DHTKD1: variants seen among roughly 807,000 people sequenced by gnomAD.
The protein encoded by DHTKD1 is dehydrogenase E1 and transketolase domain containing 1.
DHTKD1 carries 78 observed loss-of-function variants against 101.8 expected under a neutral mutation model. The ratio of observed to expected loss-of-function variants is 0.77; its 90% confidence interval spans 0.64 to 0.93. The LOEUF is 0.93. Among genes scored for constraint, DHTKD1 ranks in the 40% least tolerant of loss-of-function variants. The pLI is 0.00. For synonymous variants in DHTKD1, 462 were observed against 450.3 expected (o/e 1.03, Z -0.33); for missense variants, 1,223 against 1,161.7 (o/e 1.05, Z -0.77).
chr10:12,086,735 G>T (rs1832908183), intron 3 of DHTKD1, among the ~76,000 whole-genome samples: 1 of 152,148 alleles, frequency 6.6e-6, no homozygotes, highest in African/African-American at 2.4e-5. Flanking sequence ...CTGTCACCCA[G>T]GTTGGAGTGC....
chr10:12,101,764 T>C (rs1276835948), intron 10 of DHTKD1, among the ~76,000 whole-genome samples: 2 of 152,078 alleles, frequency 1.3e-5, no homozygotes, highest in African/African-American at 4.8e-5. Flanking sequence ...GTGCCATTCC[T>C]GGCTAATTTT....
chr10:12,103,527 GTA>G lies in DHTKD1; in HGVS notation c.1896+2348_1896+2349del, dbSNP rs1554793225. Among the ~76,000 whole-genome samples, 3 of 145,180 alleles carry G rather than the reference GTA, an allele frequency of 2.1e-5. No homozygotes were observed. Among genetic ancestry groups the G allele is most frequent in the African/African-American group, 7.7e-5 (3 of 39,080 alleles). On this transcript the variant is annotated intron_variant, in intron 10 of 16. Transcript: ENST00000263035. This position sits in a 1 kb window ranked among gnomAD's most constrained non-coding sequence, Gnocchi z 4.8. ...TGTGTGTGTGTGTGTGTGTGTGTGT[GTA>G]TGTATGTGACAGGTCCTCCTCTGTT...
chr10:12,073,681 G>A (rs1173638189), intron 1 of DHTKD1, among the ~76,000 whole-genome samples: 2 of 152,154 alleles, frequency 1.3e-5, no homozygotes, highest in Non-Finnish European at 2.9e-5. Context: ...ATCTGGAAAA[G>A]CTCAGTCTGG....
chr10:12,104,008 C>T (rs1485682734), intron 10 of DHTKD1, among the ~76,000 whole-genome samples: 1 of 152,138 alleles, frequency 6.6e-6, no homozygotes, highest in Admixed American at 6.6e-5. Flanking sequence ...CTGCCCATTC[C>T]TTCCTCCCTC....
At chr10:12,106,767 T>C (rs1413873108) in intron 11 of DHTKD1, among the ~76,000 whole-genome samples, 1 of 152,156 alleles carries the variant, frequency 6.6e-6, no homozygotes, top group Admixed American at 6.5e-5. Context: ...CTGAATCCCA[T>C]TTTCCAGGGA....
intron 9 of DHTKD1, among the ~76,000 whole-genome samples, chr10:12,100,799 A>G (rs1480680376): frequency 6.6e-6 from 1 of 152,310 alleles, no homozygotes; most frequent in African/African-American, 2.4e-5. Flanking sequence ...ACAAAGGGCT[A>G]GTGCTGGATG....
At chr10:12,088,767 T>C (rs1205683107) in intron 4 of DHTKD1, among the ~76,000 whole-genome samples, 1 of 152,038 alleles carries the variant, frequency 6.6e-6, no homozygotes, top group Non-Finnish European at 1.5e-5. Context: ...GTATTTTTAA[T>C]AGAGACGGGG....
chr10:12,100,287 G>GCTTTTTTTTTTTTTT lies in DHTKD1; in HGVS notation c.1756+25_1756+26insCTTTTTTTTTTTTTT, dbSNP rs774056019. On this transcript the variant is annotated intron_variant, in intron 9 of 16. Transcript: ENST00000263035. The stretch of plus-strand genomic sequence containing the variant: ...GGTAAGAATTTTCTTTTTTTTTTCT[G>GCTTTTTTTTTTTTTT]TTTTTTTTTTTTTTGAGTCTCACCC... 25 of 272,274 alleles carry GCTTTTTTTTTTTTTT rather than the reference G, an allele frequency of 9.2e-5. 3 individuals carry two copies. The highest frequency in any genetic ancestry group is 8.7e-4 in the African/African-American group (24 of 27,728). 16.9% of individuals were successfully genotyped at this position (272,274 alleles called of 1,614,324 possible). A position where few individuals can be genotyped will look rare whatever the true frequency, so the allele number is the denominator to read the frequency against.
chr10:12,111,967 T>A (rs1701471), intron 12 of DHTKD1, among the ~76,000 whole-genome samples: 133,882 of 152,044 alleles, frequency 0.88, 59,040 homozygotes, highest in East Asian at 0.98. Flanking sequence ...TTAACTAGGT[T>A]TATGGGTTGG....
At chr10:12,119,276 A>G (rs1833475542) in intron 15 of DHTKD1, among the ~76,000 whole-genome samples, 1 of 151,252 alleles carries the variant, frequency 6.6e-6, no homozygotes, top group African/African-American at 2.4e-5. Context: ...ACTGCACTCC[A>G]GCCTGGGCAC....
At chr10:12,091,233 A>G (rs1011100928) in intron 5 of DHTKD1, among the ~76,000 whole-genome samples, 1 of 151,648 alleles carries the variant, frequency 6.6e-6, no homozygotes, top group Non-Finnish European at 1.5e-5. Flanking sequence ...CAACATGGTG[A>G]AACCCCGCCT....
At chr10:12,097,137 T>C (rs910332621) in intron 7 of DHTKD1, among the ~76,000 whole-genome samples, 6 of 152,190 alleles carry the variant, frequency 3.9e-5, no homozygotes, top group African/African-American at 1.2e-4. Flanking sequence ...TGACATAATA[T>C]AAAATTGGCT....
At position 12,077,232 on chromosome 10, in the gene DHTKD1, G is replaced by T. The variant is rs556976360; in HGVS notation, c.155-4240G>T. Among the ~76,000 whole-genome samples, 274 of 141,838 alleles carry T rather than the reference G, an allele frequency of 1.9e-3. 2 individuals carry two copies. The highest frequency in any genetic ancestry group is 0.011 in the Middle Eastern group (3 of 274). 93.1% of individuals were successfully genotyped at this position (141,838 alleles called of 152,430 possible). ...TGTGGTCATTCATTAAGTGTTTTTT[G>T]TTTTTTTTTTTTGAGATGGAGTTTC... On this transcript the variant is annotated intron_variant, in intron 1 of 16. Coordinates refer to ENST00000263035, the MANE Select transcript of DHTKD1 (RefSeq NM_018706.7).
intron 5 of DHTKD1, among the ~76,000 whole-genome samples, chr10:12,090,011 T>G (rs1832961853): frequency 6.6e-6 from 1 of 152,106 alleles, no homozygotes; most frequent in East Asian, 1.9e-4. Context: ...ATGAAAGTCT[T>G]TGGTATTAAG....
Position 12,103,393 on chromosome 10 carries a change from A to C in DHTKD1, c.1896+2212A>C, listed in dbSNP as rs1249043450. On this transcript the variant is annotated intron_variant, in intron 10 of 16. Transcript: ENST00000263035. The surrounding 1 kb of genome is among the most constrained non-coding windows in gnomAD (Gnocchi z 4.8). ...AACTGACCAGCATTCCCTTATCAAT[A>C]ATGGCTTCTAGGAAGGGACAGAGGT... Among the ~76,000 whole-genome samples, 2 of 152,040 alleles carry C rather than the reference A, an allele frequency of 1.3e-5. No homozygotes were observed. Among genetic ancestry groups the C allele is most frequent in the Non-Finnish European group, 2.9e-5 (2 of 68,008 alleles).
chr10:12,092,910 C>T (rs540688547), intron 6 of DHTKD1, among the ~76,000 whole-genome samples: 1 of 152,148 alleles, frequency 6.6e-6, no homozygotes, highest in South Asian at 2.1e-4. Context: ...GAGAGTCTTG[C>T]TCTGTTACTC....
chr10:12,094,003 T>C, intron 6 of DHTKD1, 70 bp from the exon 7 acceptor site: 1 of 1,318,262 alleles, frequency 7.6e-7, no homozygotes, highest in Non-Finnish European at 1.1e-6. Context: ...ATGCAGGAAG[T>C]AGGGCTTAGA....
chr10:12,100,939 G>A, intron 9 of DHTKD1, 103 bp from the exon 10 acceptor site: 1 of 1,198,108 alleles, frequency 8.3e-7, no homozygotes, highest in Non-Finnish European at 1.2e-6. Context: ...TTATCCTAAG[G>A]AAAATTCTCA....
At chr10:12,120,707 C>A in intron 16 of DHTKD1, 80 bp from the exon 17 acceptor site, 1 of 1,155,744 alleles carries the variant, frequency 8.7e-7, no homozygotes, top group Non-Finnish European at 1.3e-6. Context: ...AAGAGAAATA[C>A]ATGCACTGTC....
Sources: allele counts gnomAD v4.1 joint callset (sites outside exome capture counted in the v4.1 genomes callset), GRCh38; gene constraint gnomAD v4.1.1; non-coding constraint Gnocchi (gnomAD v3.1); transcripts MANE v1.5; gene names NCBI Gene and HGNC (gene_info 2026-07-23, HGNC 2026-07-21).